ALLC: variants seen among roughly 807,000 people sequenced by gnomAD.
The protein encoded by ALLC is probable inactive allantoicase.
In ALLC, 40 loss-of-function variants were observed where a neutral mutation model predicts 45.0. The observed-to-expected ratio is 0.89, with a 90% CI of 0.69 to 1.16. The LOEUF (loss-of-function observed/expected upper bound fraction) is 1.16, where lower values mean the gene tolerates loss of function less well. ALLC is among the 50% of genes most tolerant of loss of function. ALLC has a pLI of 0.00. For synonymous variants in ALLC, 176 were observed against 178.1 expected (o/e 0.99, Z 0.09); for missense variants, 488 against 493.1 (o/e 0.99, Z 0.10).
In ALLC at chr2:3,682,994, GA is replaced by G; in HGVS notation, c.434del (p.Asn145ThrfsTer54). 1 of 1,613,940 alleles carries G rather than the reference GA, an allele frequency of 6.2e-7. No homozygotes were observed. The highest frequency in any genetic ancestry group is 1.1e-5 in the South Asian group (1 of 91,086). The stretch of plus-strand genomic sequence containing the variant: ...GTTCCCATGACTGAGCTTAAGCCAG[GA>G]AACCCTGCTTCCGGCCACAACTATT... ...YLVPMTELKP[G>X]NPASGHNYFL... On this transcript the variant is annotated frameshift_variant, in exon 7 of 12. Coordinates refer to ENST00000252505, the MANE Select transcript of ALLC (RefSeq NM_018436.4). LOFTEE classifies it high-confidence loss of function.
chr2:3,660,915 T>A (rs1666559626), intron 1 of ALLC, among the ~76,000 whole-genome samples: 2 of 152,006 alleles, frequency 1.3e-5, no homozygotes, highest in Non-Finnish European at 2.9e-5. Context: ...TCAAAAAAGG[T>A]TGCTTTATGA....
chr2:3,648,089 G>A, the ALLC span, among the ~76,000 whole-genome samples: 10 of 152,142 alleles, frequency 6.6e-5, no homozygotes, highest in Admixed American at 2.6e-4. Context: ...CAGGGAGCCC[G>A]GCAGCCCTGG....
intron 1 of ALLC, among the ~76,000 whole-genome samples, chr2:3,669,729 G>A (rs1273723050): frequency 6.6e-6 from 1 of 152,194 alleles, no homozygotes; most frequent in Non-Finnish European, 1.5e-5. Flanking sequence ...GACTGGGTGC[G>A]AGGAAGGGGT....
At chr2:3,651,442 T>TGTGTGTGTGTGTGTGTGTATGAGG in the ALLC span, among the ~76,000 whole-genome samples, 2 of 25,598 alleles carry the variant, frequency 7.8e-5, 1 homozygote, top group South Asian at 3.1e-3. Context: ...TGTGTGTGTG[T>TGTGTGTGTGTGTGTGTGTATGAGG]TAGGAAGGGA....
At chr2:3,651,411 G>GCA in the ALLC span, among the ~76,000 whole-genome samples, 12 of 51,342 alleles carry the variant, frequency 2.3e-4, no homozygotes, top group Non-Finnish European at 2.7e-4. Flanking sequence ...GTGTGTGTGT[G>GCA]TGTGTGTGTG....
At chr2:3,674,660 T>C (rs12711967) in intron 3 of ALLC, among the ~76,000 whole-genome samples, 34,108 of 152,002 alleles carry the variant, frequency 0.22, 4,046 homozygotes, top group African/African-American at 0.28. Flanking sequence ...CTGGCCTCCA[T>C]TGTGGGCAGC....
rs1041139381 is a variant in ALLC, at chr2:3,680,680, C to G, written c.298+686C>G. On this transcript the variant is annotated intron_variant, in intron 5 of 11. Coordinates refer to ENST00000252505, the MANE Select transcript of ALLC (RefSeq NM_018436.4). This position sits in a 1 kb window ranked among gnomAD's most constrained non-coding sequence, Gnocchi z 4.0. ...GGTAAATCTCTGCACTGTTACTGCCCGGACTCAGGGCTCACATGCTGTAGG... is the reference window on the plus strand; with the variant it reads ...GGTAAATCTCTGCACTGTTACTGCCGGGACTCAGGGCTCACATGCTGTAGG... 2.0e-5 allele frequency among the ~76,000 whole-genome samples: 3 copies of G among 152,172 alleles called. No individual in the cohort carries two copies. Among genetic ancestry groups the G allele is most frequent in the African/African-American group, 7.2e-5 (3 of 41,434 alleles).
Position 3,663,798 on chromosome 2 carries a change from T to A in ALLC, c.-63+5504T>A, listed in dbSNP as rs76947578. Reference sequence around the variant, plus strand: ...TATTGAAATAATGGATCCTTTTCTATAACATGCACAAACATGCTTTGTAAA... The same window carrying A: ...TATTGAAATAATGGATCCTTTTCTAAAACATGCACAAACATGCTTTGTAAA... On this transcript the variant is annotated intron_variant, in intron 1 of 11. Transcript: ENST00000252505. Among the ~76,000 whole-genome samples the A allele has an allele frequency of 5.9e-5, 9 of 152,360 alleles. No individual in the cohort carries two copies. The East Asian group carries it at 1.5e-3, about 26-fold the overall frequency.
chr2:3,666,440 A>AG (rs1394156893), intron 1 of ALLC, among the ~76,000 whole-genome samples: 1 of 152,206 alleles, frequency 6.6e-6, no homozygotes, highest in African/African-American at 2.4e-5. Context: ...GGGTGTGTGC[A>AG]GGGGGAGCCC....
intron 3 of ALLC, among the ~76,000 whole-genome samples, chr2:3,676,095 C>T (rs1667018934): frequency 6.6e-6 from 1 of 152,242 alleles, no homozygotes; most frequent in African/African-American, 2.4e-5. Context: ...TCTCCGAATA[C>T]CATCACTCTG....
chr2:3,696,378 A>T, intron 9 of ALLC, 30 bp downstream of exon 9: 2 of 1,570,526 alleles, frequency 1.3e-6, no homozygotes, highest in Non-Finnish European at 1.7e-6. Flanking sequence ...TATGGTTTAA[A>T]GTTTTTCTTA....
intron 3 of ALLC, among the ~76,000 whole-genome samples, chr2:3,678,185 C>T (rs1409566903): frequency 2.6e-5 from 4 of 152,194 alleles, no homozygotes; most frequent in African/African-American, 7.2e-5. Flanking sequence ...TGCATTTGTG[C>T]GGCCCACAGA....
At chr2:3,648,830 T>C in the ALLC span, among the ~76,000 whole-genome samples, 1 of 152,212 alleles carries the variant, frequency 6.6e-6, no homozygotes, top group Non-Finnish European at 1.5e-5. Context: ...GACAGTGTGA[T>C]CTTCATGAAG....
intron 6 of ALLC, among the ~76,000 whole-genome samples, chr2:3,682,594 C>T (rs1016201290): frequency 4.6e-5 from 7 of 152,294 alleles, no homozygotes; most frequent in Admixed American, 2.0e-4. Flanking sequence ...GGCGCGATCT[C>T]GGCTCACTGC....
chr2:3,696,580 C>T (rs1667679395), intron 9 of ALLC, among the ~76,000 whole-genome samples: 1 of 152,166 alleles, frequency 6.6e-6, no homozygotes, highest in Admixed American at 6.5e-5. Context: ...ATTTTTGGAA[C>T]ATTCCTCTGT....
At chr2:3,655,923 G>GAGCCCCTA (rs1358473396), upstream of ALLC, among the ~76,000 whole-genome samples, 123 of 152,360 alleles carry the variant, frequency 8.1e-4, no homozygotes, top group African/African-American at 2.9e-3. Context: ...GCTTCTGCTG[G>GAGCCCCTA]AGCGCTGCAA....
In ALLC at chr2:3,696,339, A is replaced by G; in HGVS notation, c.732A>G (p.Pro244=). The G allele has an allele frequency of 1.2e-6, 2 of 1,612,948 alleles. No individual in the cohort carries two copies. Among genetic ancestry groups the G allele is most frequent in the Admixed American group, 1.7e-5 (1 of 59,868 alleles). Residue 244 remains proline (P), a synonymous_variant, in exon 9 of 12, where the codon CCA becomes CCG. Transcript: ENST00000252505. ...WETARRLDRP[P]ILENDENGIL... is the part of the protein sequence containing the mutation. Reference sequence around the variant, plus strand: ...CTGCAAGAAGGCTGGACCGGCCACCAATATTAGAAGTAAGAAGTTAAAAAT... The same window carrying G: ...CTGCAAGAAGGCTGGACCGGCCACCGATATTAGAAGTAAGAAGTTAAAAAT...
At chr2:3,687,494 G>T (rs981345369) in intron 7 of ALLC, among the ~76,000 whole-genome samples, 2 of 150,962 alleles carry the variant, frequency 1.3e-5, no homozygotes, top group Non-Finnish European at 3.0e-5. Flanking sequence ...TTTTCTTGAA[G>T]AGTTTGAGTA....
intron 5 of ALLC, among the ~76,000 whole-genome samples, chr2:3,681,425 A>C (rs772734999): frequency 3.9e-5 from 6 of 152,238 alleles, no homozygotes; most frequent in Non-Finnish European, 5.9e-5. Context: ...TGTAGTATCA[A>C]ACATCTTGTA....
Sources: allele counts gnomAD v4.1 joint callset (sites outside exome capture counted in the v4.1 genomes callset), GRCh38; gene constraint gnomAD v4.1.1; non-coding constraint Gnocchi (gnomAD v3.1); transcripts MANE v1.5; gene names NCBI Gene and HGNC (gene_info 2026-07-23, HGNC 2026-07-21).